Variants in FUT9 observed in about 807,000 individuals in gnomAD.
FUT9 encodes the protein fucosyltransferase 9.
A neutral mutation model predicts 29.7 loss-of-function variants in FUT9; 15 were observed. That is an observed-to-expected ratio of 0.51 (90% CI 0.34 to 0.78). FUT9 has a LOEUF of 0.78. Ranked by LOEUF, FUT9 falls within the 30% of genes least tolerant of loss-of-function variation. The pLI, the probability that FUT9 is intolerant of heterozygous loss-of-function variation, is 0.01. For synonymous variants in FUT9, 169 were observed against 153.7 expected, an observed-to-expected ratio of 1.10 and a Z score of -0.74; for missense variants, 319 against 425.4, an observed-to-expected ratio of 0.75 and a Z score of 2.20.
In FUT9 at chr6:96,053,696, G is replaced by A. The variant is rs146091901; in HGVS notation, c.-98+37484G>A. Among the ~76,000 whole-genome samples the A allele has an allele frequency of 1.5e-3, 230 of 152,182 alleles. 1 individual carries two copies. Among genetic ancestry groups the A allele is most frequent in the African/African-American group, 5.0e-3 (208 of 41,522 alleles). Reference sequence around the variant, plus strand: ...TCCACTCCAGCCTGGGCAACAGAGCGAGACTCCATCTCTAAATAAATAAAT... The same window carrying A: ...TCCACTCCAGCCTGGGCAACAGAGCAAGACTCCATCTCTAAATAAATAAAT... On this transcript the variant is annotated intron_variant, in intron 1 of 2. Transcript: ENST00000302103.
intron 2 of FUT9, among the ~76,000 whole-genome samples, chr6:96,135,377 G>T (rs2127970941): frequency 6.6e-6 from 1 of 151,958 alleles, no homozygotes; most frequent in East Asian, 1.9e-4. Flanking sequence ...TGTCCTATTG[G>T]AATTAGAAAT....
intron 1 of FUT9, among the ~76,000 whole-genome samples, chr6:96,030,511 C>T (rs1770243521): frequency 6.6e-6 from 1 of 151,530 alleles, no homozygotes; most frequent in Non-Finnish European, 1.5e-5. Context: ...AGTTGGAACA[C>T]TGGTACATTG....
At chr6:96,153,258 A>G (rs1772714919) in intron 2 of FUT9, among the ~76,000 whole-genome samples, 1 of 152,186 alleles carries the variant, frequency 6.6e-6, no homozygotes, top group Non-Finnish European at 1.5e-5. Context: ...AGCCTATCAG[A>G]CCATCTGGGA....
chr6:96,043,224 T>TTTTTG (rs1192522460), intron 1 of FUT9, among the ~76,000 whole-genome samples: 2 of 152,178 alleles, frequency 1.3e-5, no homozygotes. Context: ...GCTAATTTTT[T>TTTTTG]GTATTTTTAG....
At chr6:96,086,325 T>C (rs1271256457) in intron 1 of FUT9, among the ~76,000 whole-genome samples, 1 of 152,222 alleles carries the variant, frequency 6.6e-6, no homozygotes, top group African/African-American at 2.4e-5. Flanking sequence ...TTTTAATTTC[T>C]GATTCAAAGC....
intron 1 of FUT9, among the ~76,000 whole-genome samples, chr6:96,074,136 G>GT (rs1190718175): frequency 6.6e-6 from 1 of 152,092 alleles, no homozygotes; most frequent in Non-Finnish European, 1.5e-5. Context: ...GCAGTAGTTG[G>GT]TTTTTAACAT....
chr6:96,041,942 C>T (rs920114463), intron 1 of FUT9, among the ~76,000 whole-genome samples: 14 of 152,000 alleles, frequency 9.2e-5, no homozygotes, highest in Middle Eastern at 3.4e-3. Context: ...CATTTTTGTT[C>T]TCTCTCATGT....
At chr6:96,167,374 C>T (rs1402310381) in intron 2 of FUT9, among the ~76,000 whole-genome samples, 1 of 152,080 alleles carries the variant, frequency 6.6e-6, no homozygotes, top group African/African-American at 2.4e-5. Flanking sequence ...AAGAAGGAAA[C>T]AACAGTAATA....
intron 1 of FUT9, among the ~76,000 whole-genome samples, chr6:96,101,365 C>T (rs976469773): frequency 1.3e-4 from 19 of 151,946 alleles, no homozygotes; most frequent in African/African-American, 4.3e-4. Flanking sequence ...ATGATGAAAC[C>T]CCATCTCTAC....
At chr6:96,044,007 C>G (rs1770513981) in intron 1 of FUT9, among the ~76,000 whole-genome samples, 1 of 152,064 alleles carries the variant, frequency 6.6e-6, no homozygotes, top group Non-Finnish European at 1.5e-5. Context: ...GTCACACTTT[C>G]AAAAGTAATG....
At chr6:96,187,268 A>G (rs964473975) in intron 2 of FUT9, among the ~76,000 whole-genome samples, 1 of 152,136 alleles carries the variant, frequency 6.6e-6, no homozygotes, top group Non-Finnish European at 1.5e-5. Context: ...GTTTCACTGA[A>G]TTCAAAGCCA....
chr6:96,052,795 T>C (rs72924182), intron 1 of FUT9, among the ~76,000 whole-genome samples: 2,409 of 151,810 alleles, frequency 0.016, 20 homozygotes, highest in Middle Eastern at 0.031. Flanking sequence ...TTTGAAACAT[T>C]AAGAAAAAAA....
chr6:96,174,053 CAGTGGTTGAG>C (rs1773160653), intron 2 of FUT9, among the ~76,000 whole-genome samples: 1 of 152,002 alleles, frequency 6.6e-6, no homozygotes, highest in Non-Finnish European at 1.5e-5. Context: ...GAATTTGCTC[CAGTGGTTGAG>C]ACAGGAAATA....
At chr6:96,152,607 T>TCTG (rs778508891) in intron 2 of FUT9, among the ~76,000 whole-genome samples, 2 of 152,292 alleles carry the variant, frequency 1.3e-5, no homozygotes, top group African/African-American at 2.4e-5. Context: ...TTTAACACAA[T>TCTG]CTGCTCTCCA....
intron 1 of FUT9, among the ~76,000 whole-genome samples, chr6:96,044,802 T>C (rs1770533258): frequency 6.6e-6 from 1 of 152,234 alleles, no homozygotes; most frequent in African/African-American, 2.4e-5. Context: ...TCTTTTATTA[T>C]GCTAGGTATG....
chr6:96,165,402 G>C (rs528062990), intron 2 of FUT9, among the ~76,000 whole-genome samples: 110 of 150,238 alleles, frequency 7.3e-4, no homozygotes, highest in African/African-American at 1.9e-3. Flanking sequence ...CTGCACTCCA[G>C]CCTGGGTGAC....
intron 2 of FUT9, among the ~76,000 whole-genome samples, chr6:96,145,054 T>G (rs1280271055): frequency 6.6e-6 from 1 of 152,064 alleles, no homozygotes; most frequent in Non-Finnish European, 1.5e-5. Flanking sequence ...TCTTTATTAT[T>G]TATTTATTTG....
At chr6:96,134,164 TA>T (rs1387030903) in intron 2 of FUT9, among the ~76,000 whole-genome samples, 3 of 151,878 alleles carry the variant, frequency 2.0e-5, no homozygotes, top group African/African-American at 7.2e-5. Flanking sequence ...ATGTTCATTA[TA>T]AAAATTTAGG....
intron 2 of FUT9, among the ~76,000 whole-genome samples, chr6:96,115,625 C>G (rs1468892994): frequency 2.6e-5 from 4 of 152,116 alleles, no homozygotes; most frequent in Non-Finnish European, 5.9e-5. Flanking sequence ...AGTTTCCATA[C>G]TGGAAACTCT....
Sources: allele counts gnomAD v4.1 joint callset (sites outside exome capture counted in the v4.1 genomes callset), GRCh38; gene constraint gnomAD v4.1.1; transcripts MANE v1.5; gene names NCBI Gene and HGNC (gene_info 2026-07-23, HGNC 2026-07-21).